Variants in TMEM232 observed in about 807,000 individuals in gnomAD.
The protein encoded by TMEM232 is transmembrane protein 232.
Under a neutral mutation model 78.8 loss-of-function variants are expected in TMEM232, and 80 were observed. The observed-to-expected ratio is 1.01, with a 90% CI of 0.85 to 1.22. The LOEUF is 1.22. Ranked by LOEUF, TMEM232 falls within the 50% of genes most tolerant of loss-of-function variation. The pLI, the probability that TMEM232 is intolerant of heterozygous loss-of-function variation, is 0.00. For synonymous variants in TMEM232, 297 were observed against 254.3 expected, an observed-to-expected ratio of 1.17 and a Z score of -1.60; for missense variants, 881 against 742.2, an observed-to-expected ratio of 1.19 and a Z score of -2.17.
At chr5:110,665,956 C>T (rs1334534866) in intron 2 of TMEM232, among the ~76,000 whole-genome samples, 1 of 151,398 alleles carries the variant, frequency 6.6e-6, no homozygotes, top group African/African-American at 2.4e-5. Flanking sequence ...GTGGTGCCAG[C>T]TGCTCAGGAG....
intron 8 of TMEM232, among the ~76,000 whole-genome samples, chr5:110,617,482 T>C (rs186564056): frequency 6.6e-6 from 1 of 152,256 alleles, no homozygotes; most frequent in Admixed American, 6.5e-5. Context: ...AAGCTTGACT[T>C]ACTCATTCCA....
intron 12 of TMEM232, among the ~76,000 whole-genome samples, chr5:110,501,236 T>A (rs1200647603): frequency 4.6e-5 from 7 of 152,236 alleles, no homozygotes; most frequent in Non-Finnish European, 7.4e-5. Flanking sequence ...CAAATACAAA[T>A]GCTGAAGAAG....
chr5:110,622,976 A>G (rs994524638), intron 7 of TMEM232, among the ~76,000 whole-genome samples: 21 of 149,016 alleles, frequency 1.4e-4, no homozygotes, highest in Non-Finnish European at 3.0e-4. Context: ...CATGTACCCT[A>G]AAACTTAAAG....
At chr5:110,665,735 T>C (rs982626093) in intron 2 of TMEM232, among the ~76,000 whole-genome samples, 49 of 152,064 alleles carry the variant, frequency 3.2e-4, no homozygotes, top group African/African-American at 1.1e-3. Context: ...TCCCCACTAA[T>C]GCAGACTTAT....
intron 10 of TMEM232, among the ~76,000 whole-genome samples, chr5:110,581,684 C>T (rs974568423): frequency 1.3e-5 from 2 of 151,710 alleles, no homozygotes; most frequent in African/African-American, 4.8e-5. Flanking sequence ...AATTAAAGAG[C>T]TTCTGCACAG....
At chr5:110,554,204 G>A (rs1320735359) in intron 11 of TMEM232, among the ~76,000 whole-genome samples, 2 of 152,118 alleles carry the variant, frequency 1.3e-5, no homozygotes, top group Non-Finnish European at 2.9e-5. Flanking sequence ...CTTAATCTGG[G>A]TGAGCACAAT....
At chr5:110,554,215 C>A (rs956888548) in intron 11 of TMEM232, among the ~76,000 whole-genome samples, 2 of 152,108 alleles carry the variant, frequency 1.3e-5, no homozygotes, top group African/African-American at 4.8e-5. Flanking sequence ...TGAGCACAAT[C>A]TAATCAGCTG....
At chr5:110,619,944 T>TA (rs1029584318) in intron 7 of TMEM232, among the ~76,000 whole-genome samples, 5 of 151,300 alleles carry the variant, frequency 3.3e-5, no homozygotes, top group East Asian at 3.9e-4. Context: ...AAAACAAGAA[T>TA]AAAAAAAAAC....
intron 1 of TMEM232, among the ~76,000 whole-genome samples, chr5:110,724,691 A>C (rs1797984000): frequency 6.6e-6 from 1 of 152,216 alleles, no homozygotes; most frequent in African/African-American, 2.4e-5. Context: ...AGGCATCCTA[A>C]AAGATAAATC....
At chr5:110,502,991 C>G (rs1766438244) in intron 12 of TMEM232, among the ~76,000 whole-genome samples, 1 of 152,130 alleles carries the variant, frequency 6.6e-6, no homozygotes, top group East Asian at 1.9e-4. Context: ...ATTGATTTAT[C>G]TGTTACCTTT....
At chr5:110,621,765 A>AT (rs1175810702) in intron 7 of TMEM232, among the ~76,000 whole-genome samples, 1 of 145,460 alleles carries the variant, frequency 6.9e-6, no homozygotes, top group Non-Finnish European at 1.5e-5. Context: ...TTTGGCTTTT[A>AT]TAACCACTTC....
intron 12 of TMEM232, among the ~76,000 whole-genome samples, chr5:110,527,100 G>C (rs914574602): frequency 2.6e-5 from 4 of 151,794 alleles, no homozygotes; most frequent in Non-Finnish European, 5.9e-5. Context: ...AGGGAGGGAT[G>C]GGGGGTAAAT....
In TMEM232 at chr5:110,476,869, G is replaced by A. The variant is rs116396569; in HGVS notation, c.1703+51719C>T. On this transcript the variant is annotated intron_variant, in intron 12 of 13. Coordinates refer to ENST00000455884, the MANE Select transcript of TMEM232 (RefSeq NM_001039763.4). ...TTTCTTGTATTTTGAAAAAGGTTAC[G>A]ATTTTAATTTTCAGATTTCTTGGCC... 1.8e-3 allele frequency among the ~76,000 whole-genome samples: 273 copies of A among 152,078 alleles called. 2 individuals are homozygous for A. Among genetic ancestry groups the A allele is most frequent in the African/African-American group, 6.2e-3 (258 of 41,532 alleles).
At chr5:110,651,439 G>A (rs778629457) in intron 2 of TMEM232, among the ~76,000 whole-genome samples, 5 of 150,790 alleles carry the variant, frequency 3.3e-5, no homozygotes, top group Admixed American at 6.6e-5. Context: ...AGGAAGGGAA[G>A]GGGAGGAAAA....
At chr5:110,630,844 C>A (rs902436420) in intron 5 of TMEM232, among the ~76,000 whole-genome samples, 22 of 152,204 alleles carry the variant, frequency 1.4e-4, no homozygotes, top group African/African-American at 5.1e-4. Context: ...GGTCTATGTC[C>A]CTACCATGGA....
intron 2 of TMEM232, among the ~76,000 whole-genome samples, chr5:110,652,652 T>C (rs949408442): frequency 3.3e-5 from 5 of 152,198 alleles, no homozygotes; most frequent in South Asian, 4.1e-4. Context: ...TAGTGAGAGA[T>C]AAACATAGCT....
intron 7 of TMEM232, among the ~76,000 whole-genome samples, chr5:110,620,637 CTCCTCTCTCCTCT>C: frequency 8.3e-6 from 1 of 119,882 alleles, no homozygotes; most frequent in Admixed American, 8.4e-5. Context: ...CTCTCTCTCT[CTCCTCTCTCCTCT>C]CTCTCTCTCC....
At position 110,593,799 on chromosome 5, in the gene TMEM232, T is replaced by C. The variant is rs548455703; in HGVS notation, c.1276+11310A>G. On this transcript the variant is annotated intron_variant, in intron 10 of 13. Coordinates refer to ENST00000455884, the MANE Select transcript of TMEM232 (RefSeq NM_001039763.4). Reference sequence around the variant, plus strand: ...TAGTCAATAATAATTTCTTGTACTTTTACAAATAACTAAAGGGTATAATTG... The same window carrying C: ...TAGTCAATAATAATTTCTTGTACTTCTACAAATAACTAAAGGGTATAATTG... Among the ~76,000 whole-genome samples the C allele has an allele frequency of 2.0e-5, 3 of 152,222 alleles. No individual in the cohort carries two copies. The East Asian group carries it at 5.8e-4, about 29-fold the overall frequency.
chr5:110,410,331 A>G (rs1056815872), intron 2 of TMEM232, among the ~76,000 whole-genome samples: 30 of 152,212 alleles, frequency 2.0e-4, no homozygotes, highest in African/African-American at 6.8e-4. Flanking sequence ...TTTGGCCTCT[A>G]GTTGCATCCT....
Sources: gnomAD v4.1 joint callset for allele counts (sites outside exome capture counted in the v4.1 genomes callset) on GRCh38, gnomAD v4.1.1 for gene constraint, MANE v1.5 for transcripts, NCBI Gene and HGNC (gene_info 2026-07-23, HGNC 2026-07-21) for gene names.